The following RALGPS1 variants were observed in gnomAD, a reference collection of about 807,000 sequenced individuals.
RALGPS1 encodes the protein ras-specific guanine nucleotide-releasing factor RalGPS1.
In RALGPS1, 19 loss-of-function variants were observed where a neutral mutation model predicts 78.8. That is an observed-to-expected ratio of 0.24 (90% CI 0.17 to 0.35). RALGPS1 has a LOEUF of 0.35. RALGPS1 is among the 10% of genes least tolerant of loss of function. The pLI, the probability that RALGPS1 is intolerant of heterozygous loss-of-function variation, is 1.00. For missense variants in RALGPS1, 454 were observed against 688.3 expected (o/e 0.66, Z 3.81); for synonymous variants, 228 against 256.3 (o/e 0.89, Z 1.06).
intron 8 of RALGPS1, among the ~76,000 whole-genome samples, chr9:127,095,200 C>T (rs1222878804): frequency 1.3e-5 from 2 of 152,170 alleles, no homozygotes; most frequent in Admixed American, 6.5e-5. Flanking sequence ...AGATCGAGAC[C>T]ATCCTGGCTA....
chr9:127,156,844 A>G (rs1432552715), intron 8 of RALGPS1, among the ~76,000 whole-genome samples: 1 of 151,984 alleles, frequency 6.6e-6, no homozygotes, highest in African/African-American at 2.4e-5. Context: ...TATTTTATTC[A>G]AGTACTCGTA....
At chr9:127,140,572 G>C (rs1039596786) in intron 8 of RALGPS1, among the ~76,000 whole-genome samples, 8 of 152,200 alleles carry the variant, frequency 5.3e-5, no homozygotes, top group Non-Finnish European at 2.9e-5. Flanking sequence ...GGCAGCATGT[G>C]ATTAGCTTGT....
chr9:127,182,352 C>CCCTTCCTT (rs1166804325), intron 11 of RALGPS1, among the ~76,000 whole-genome samples: 2 of 97,054 alleles, frequency 2.1e-5, no homozygotes, highest in African/African-American at 4.4e-5. Context: ...CTTCCTTCCT[C>CCCTTCCTT]CCTTCCTTCC....
intron 4 of RALGPS1, among the ~76,000 whole-genome samples, chr9:127,024,219 C>T (rs1440742686): frequency 6.6e-6 from 1 of 151,716 alleles, no homozygotes. Flanking sequence ...TGTAATATGT[C>T]ATCTACTAAA....
In RALGPS1 at chr9:127,222,898, T is replaced by A. The variant is rs528879587; in HGVS notation, c.*4129T>A. On this transcript the variant is annotated 3_prime_UTR_variant, in exon 19 of 19. Transcript: ENST00000259351. ...TTAAATCTGTTGCACTCTCCTGGGCTGTCTTTTTCTCCAGCAGACCCCTGC... is the reference window on the plus strand; with the variant it reads ...TTAAATCTGTTGCACTCTCCTGGGCAGTCTTTTTCTCCAGCAGACCCCTGC... The A allele has an allele frequency of 6.5e-6, 1 of 152,762 alleles. No individual in the cohort carries two copies. Among genetic ancestry groups the A allele is most frequent in the East Asian group, 1.9e-4 (1 of 5,188 alleles). 9.5% of individuals were successfully genotyped at this position (152,762 alleles called of 1,614,324 possible). A position where few individuals can be genotyped will look rare whatever the true frequency, so the allele number is the denominator to read the frequency against.
intron 3 of RALGPS1, among the ~76,000 whole-genome samples, chr9:126,970,026 G>T (rs1302994606): frequency 6.6e-6 from 1 of 152,114 alleles, no homozygotes; most frequent in Non-Finnish European, 1.5e-5. Flanking sequence ...CCTGTCTAGT[G>T]AAAGAAAAAA....
intron 7 of RALGPS1, among the ~76,000 whole-genome samples, chr9:127,063,200 C>T (rs775490753): frequency 1.8e-4 from 27 of 152,118 alleles, no homozygotes; most frequent in Non-Finnish European, 3.5e-4. Flanking sequence ...CAGATTTGAA[C>T]TGCTTTACTA....
At chr9:127,105,665 G>C (rs377435561) in intron 8 of RALGPS1, among the ~76,000 whole-genome samples, 25 of 152,300 alleles carry the variant, frequency 1.6e-4, no homozygotes, top group African/African-American at 6.0e-4. Flanking sequence ...CTGCATTCCT[G>C]ATTTTAGAAA....
chr9:126,947,139 G>A (rs1287856079), intron 1 of RALGPS1, among the ~76,000 whole-genome samples: 1 of 152,126 alleles, frequency 6.6e-6, no homozygotes, highest in Non-Finnish European at 1.5e-5. Context: ...GTGGTCTTAG[G>A]CTAAGAGAGC....
intron 11 of RALGPS1, among the ~76,000 whole-genome samples, chr9:127,185,001 T>A (rs1013812680): frequency 5.3e-5 from 8 of 152,174 alleles, no homozygotes; most frequent in Non-Finnish European, 1.2e-4. Context: ...CAAACACATG[T>A]CTTCCTCCGC....
chr9:127,060,331 T>G (rs7048656), intron 7 of RALGPS1, among the ~76,000 whole-genome samples: 71,256 of 151,988 alleles, frequency 0.47, 17,281 homozygotes, highest in Non-Finnish European at 0.52. Context: ...GACCTGCATT[T>G]GTGTGGGGAC....
In RALGPS1 at chr9:126,977,753, C is replaced by T. The variant is rs1366362647; in HGVS notation, c.216+8C>T. 1 of 1,589,700 alleles carries T rather than the reference C, an allele frequency of 6.3e-7. No individual in the cohort carries two copies. The highest frequency in any genetic ancestry group is 2.3e-5 in the East Asian group (1 of 44,150). On this transcript the variant is annotated splice_region_variant and intron_variant, in intron 4 of 18. Coordinates refer to ENST00000259351, the MANE Select transcript of RALGPS1 (RefSeq NM_014636.3). ...AAAGCTATCCAGCCGGAGGTCTGTA[C>T]TTTGTCTTTCTACTCTTCTATTCAT... is the stretch of plus-strand genomic sequence containing the variant.
At chr9:127,173,194 T>C (rs1474347716) in intron 10 of RALGPS1, among the ~76,000 whole-genome samples, 5 of 152,236 alleles carry the variant, frequency 3.3e-5, no homozygotes, top group Admixed American at 6.5e-5. Context: ...CTTCACCTCG[T>C]TGGGGAGCTG....
At chr9:126,946,299 C>T (rs560767397) in intron 1 of RALGPS1, among the ~76,000 whole-genome samples, 12 of 152,194 alleles carry the variant, frequency 7.9e-5, no homozygotes, top group African/African-American at 2.6e-4. Flanking sequence ...CTCGGGAGGC[C>T]GAGATGGGCA....
intron 4 of RALGPS1, among the ~76,000 whole-genome samples, chr9:127,012,989 A>G (rs904790743): frequency 6.6e-6 from 1 of 152,226 alleles, no homozygotes; most frequent in African/African-American, 2.4e-5. Flanking sequence ...AAAGAGGACA[A>G]AGTGCTATAT....
chr9:127,135,474 G>A (rs752881946), intron 8 of RALGPS1, among the ~76,000 whole-genome samples: 3 of 144,770 alleles, frequency 2.1e-5, no homozygotes, highest in Non-Finnish European at 4.4e-5. Flanking sequence ...CCAGGGACAT[G>A]TGCCCCTGTG....
intron 11 of RALGPS1, chr9:127,177,899 A>G (rs1421604423): frequency 6.5e-7 from 1 of 1,549,382 alleles, no homozygotes. Context: ...TTTATTAGCC[A>G]TGTGAGACCA....
intron 17 of RALGPS1, 146 bp from the exon 18 acceptor site, chr9:127,214,605 G>T: frequency 7.7e-7 from 1 of 1,296,690 alleles, no homozygotes; most frequent in Non-Finnish European, 1.0e-6. Context: ...AGGGAGCCCT[G>T]GAGGCTGCTT....
At chr9:127,101,040 G>A (rs956992368) in intron 8 of RALGPS1, among the ~76,000 whole-genome samples, 1 of 152,176 alleles carries the variant, frequency 6.6e-6, no homozygotes, top group African/African-American at 2.4e-5. Context: ...CACTGGTGGT[G>A]GTTCTGAGAG....
Sources: allele counts gnomAD v4.1 joint callset (sites outside exome capture counted in the v4.1 genomes callset), GRCh38; gene constraint gnomAD v4.1.1; transcripts MANE v1.5; gene names NCBI Gene and HGNC (gene_info 2026-07-23, HGNC 2026-07-21).